CNTN4: variants seen among roughly 807,000 people sequenced by gnomAD.
CNTN4 encodes contactin 4, also known as contactin-4.
In CNTN4, 77 loss-of-function variants were observed where a neutral mutation model predicts 122.5. The ratio of observed to expected loss-of-function variants is 0.63; its 90% CI spans 0.52 to 0.76. CNTN4 has a LOEUF of 0.76. Ranked by LOEUF, CNTN4 falls within the 30% of genes least tolerant of loss-of-function variation. The pLI, the probability that CNTN4 is intolerant of heterozygous loss-of-function variation, is 0.00. For missense variants in CNTN4, 1,256 were observed against 1,259.1 expected (o/e 1.00, Z 0.04); for synonymous variants, 512 against 447.0 (o/e 1.15, Z -1.83).
chr3:2,612,736 A>T (rs2081553745), intron 4 of CNTN4, among the ~76,000 whole-genome samples: 1 of 152,180 alleles, frequency 6.6e-6, no homozygotes, highest in Non-Finnish European at 1.5e-5. Context: ...CAAGCTTTTC[A>T]TGTCTCTATT....
chr3:2,892,591 T>G (rs2094055838), intron 10 of CNTN4, among the ~76,000 whole-genome samples: 2 of 152,242 alleles, frequency 1.3e-5, no homozygotes, highest in South Asian at 4.1e-4. Context: ...ATTCTGTCTC[T>G]GTAGTCACTT....
Position 2,700,458 on chromosome 3 carries a change from A to G in CNTN4, c.56-35757A>G, listed in dbSNP as rs2086292274. 2.0e-5 allele frequency among the ~76,000 whole-genome samples: 3 copies of G among 152,232 alleles called. No homozygotes were observed. The South Asian group carries it at 6.2e-4, about 31-fold the overall frequency. On this transcript the variant is annotated intron_variant, in intron 4 of 24. Coordinates refer to ENST00000418658, the MANE Select transcript of CNTN4 (RefSeq NM_175607.3). The stretch of plus-strand genomic sequence containing the variant: ...AATCCAGAGATTTTCATCATTTCCA[A>G]CAATGCAAAAATGTTGAATCTTAGA...
At chr3:2,725,931 A>G (rs547484021) in intron 4 of CNTN4, among the ~76,000 whole-genome samples, 3 of 152,272 alleles carry the variant, frequency 2.0e-5, no homozygotes, top group Non-Finnish European at 4.4e-5. Context: ...AGTGTTGATC[A>G]GGAGTTTCTT....
At chr3:2,219,585 G>C (rs944503663) in intron 2 of CNTN4, among the ~76,000 whole-genome samples, 1 of 151,968 alleles carries the variant, frequency 6.6e-6, no homozygotes, top group Non-Finnish European at 1.5e-5. Context: ...ATCTCTACCT[G>C]TTTTTTCAAC....
At position 2,295,505 on chromosome 3, in the gene CNTN4, G is replaced by C. The variant is rs561995946; in HGVS notation, c.-144-43673G>C. Among the ~76,000 whole-genome samples the C allele has an allele frequency of 2.2e-3, 336 of 150,844 alleles. 3 individuals carry two copies. Among genetic ancestry groups the C allele is most frequent in the Non-Finnish European group, 3.4e-3 (229 of 67,840 alleles). On this transcript the variant is annotated intron_variant, in intron 2 of 24. Transcript: ENST00000418658. ...TGAGAAATGTCTGTTCATATCCTTC[G>C]CCCACTTTTTGATGGGGTTGTTTGT...
intron 18 of CNTN4, chr3:3,037,603 T>A (rs972915092): frequency 6.6e-6 from 3 of 453,182 alleles, no homozygotes; most frequent in Non-Finnish European, 1.2e-5. Flanking sequence ...CTTCATTGGT[T>A]CATTTGTCAC....
intron 2 of CNTN4, among the ~76,000 whole-genome samples, chr3:2,223,922 A>C (rs1031637948): frequency 3.3e-5 from 5 of 152,084 alleles, no homozygotes; most frequent in African/African-American, 1.2e-4. Context: ...TAGCGTCCTG[A>C]GCTTACACAA....
intron 3 of CNTN4, among the ~76,000 whole-genome samples, chr3:2,413,504 A>G (rs987396293): frequency 6.6e-6 from 1 of 152,156 alleles, no homozygotes; most frequent in African/African-American, 2.4e-5. Flanking sequence ...TAAATTTTTC[A>G]TAGTATTTTT....
intron 3 of CNTN4, among the ~76,000 whole-genome samples, chr3:2,390,384 A>G (rs895753792): frequency 5.3e-5 from 8 of 152,094 alleles, no homozygotes; most frequent in African/African-American, 1.9e-4. Context: ...AAAAGTTAAG[A>G]AAGATGCACC....
chr3:2,377,113 G>A (rs566561563), intron 3 of CNTN4, among the ~76,000 whole-genome samples: 6 of 149,374 alleles, frequency 4.0e-5, no homozygotes, highest in South Asian at 2.1e-4. Context: ...CCGAGATTGC[G>A]CCACTGCACT....
At chr3:2,912,690 G>A (rs927267191) in intron 12 of CNTN4, among the ~76,000 whole-genome samples, 1 of 152,186 alleles carries the variant, frequency 6.6e-6, no homozygotes, top group Non-Finnish European at 1.5e-5. Context: ...GCAGCAGGAT[G>A]TAAATAGTTT....
At position 2,539,090 on chromosome 3, in the gene CNTN4, G is replaced by A. The variant is rs562064790; in HGVS notation, c.-88-32326G>A. ...CTATAACTATCCTAACCATAAGAAGGATAGGTCAAAGGTTATGAAACTTTG... is the reference window on the plus strand; with the variant it reads ...CTATAACTATCCTAACCATAAGAAGAATAGGTCAAAGGTTATGAAACTTTG... On this transcript the variant is annotated intron_variant, in intron 3 of 24. Transcript: ENST00000418658. Among the ~76,000 whole-genome samples the A allele has an allele frequency of 7.9e-5, 12 of 152,092 alleles. No homozygotes were observed. In the East Asian group the frequency reaches 2.3e-3, roughly 29 times the overall value.
At chr3:2,504,475 A>G (rs1260979024) in intron 3 of CNTN4, among the ~76,000 whole-genome samples, 1 of 152,092 alleles carries the variant, frequency 6.6e-6, no homozygotes, top group African/African-American at 2.4e-5. Context: ...AGTGGGTGGG[A>G]CCCTTTAAGA....
At chr3:2,618,725 A>T (rs921810904) in intron 4 of CNTN4, among the ~76,000 whole-genome samples, 3 of 152,194 alleles carry the variant, frequency 2.0e-5, no homozygotes, top group African/African-American at 7.2e-5. Flanking sequence ...AATATTGTTC[A>T]TATCATATGG....
At chr3:2,538,438 G>A (rs1394275619) in intron 3 of CNTN4, among the ~76,000 whole-genome samples, 1 of 151,868 alleles carries the variant, frequency 6.6e-6, no homozygotes, top group Admixed American at 6.6e-5. Flanking sequence ...ATGCATTTTG[G>A]ATATTCTTCT....
At chr3:2,816,820 CAAAA>C (rs538762827) in intron 6 of CNTN4, among the ~76,000 whole-genome samples, 5 of 73,240 alleles carry the variant, frequency 6.8e-5, no homozygotes, top group Non-Finnish European at 7.4e-5. Flanking sequence ...ACTCTGTCTC[CAAAA>C]AAAAAAAAAA....
chr3:3,009,479 G>A (rs1272797443), intron 14 of CNTN4, among the ~76,000 whole-genome samples: 3 of 151,742 alleles, frequency 2.0e-5, no homozygotes, highest in Non-Finnish European at 4.4e-5. Flanking sequence ...TGTCGCCCAG[G>A]CTGGAGTGCA....
intron 2 of CNTN4, among the ~76,000 whole-genome samples, chr3:2,122,435 T>G (rs1351456604): frequency 2.6e-5 from 4 of 152,330 alleles, no homozygotes; most frequent in South Asian, 2.1e-4. Flanking sequence ...ATCTTAGATG[T>G]CAGTCTACAT....
At chr3:2,227,402 C>T (rs924279024) in intron 2 of CNTN4, among the ~76,000 whole-genome samples, 4 of 152,092 alleles carry the variant, frequency 2.6e-5, no homozygotes, top group African/African-American at 9.7e-5. Flanking sequence ...CAGCCAGCTT[C>T]ATAGTCTCAT....
Sources: allele counts gnomAD v4.1 joint callset (sites outside exome capture counted in the v4.1 genomes callset), GRCh38; gene constraint gnomAD v4.1.1; transcripts MANE v1.5; gene names NCBI Gene and HGNC (gene_info 2026-07-23, HGNC 2026-07-21).